ZNF469: variants seen among roughly 807,000 people sequenced by gnomAD.
ZNF469 encodes zinc finger protein 469.
Under a neutral mutation model 1.0 loss-of-function variants are expected in ZNF469, and 1 was observed. The observed-to-expected ratio is 1.00, with a 90% CI of 0.35 to 4.73. The LOEUF (loss-of-function observed/expected upper bound fraction) is 4.73, where lower values mean the gene tolerates loss of function less well. Among genes scored for constraint, ZNF469 ranks in the 30% most tolerant of loss-of-function variants. The probability of loss-of-function intolerance (pLI) is 0.16; values close to 1 mark genes in which losing one functional copy is unlikely to be tolerated. For missense variants in ZNF469, 6,100 were observed against 5,356.3 expected, an observed-to-expected ratio of 1.14 and a Z score of -4.33; for synonymous variants, 2,703 against 2,363.4, an observed-to-expected ratio of 1.14 and a Z score of -4.17.
intron 1 of ZNF469, among the ~76,000 whole-genome samples, chr16:88,420,050 G>A (rs964987700): frequency 7.9e-5 from 12 of 152,226 alleles, no homozygotes; most frequent in Admixed American, 7.2e-4. Context: ...CCAGTGCCAT[G>A]TCTGGAAAGC....
chr16:88,293,409 G>GTGGA, the ZNF469 span, among the ~76,000 whole-genome samples: 45 of 152,034 alleles, frequency 3.0e-4, no homozygotes, highest in African/African-American at 7.7e-4. Context: ...AATTGACTGG[G>GTGGA]TGGATGGATG....
Position 88,433,278 on chromosome 16 carries a change from C to G in ZNF469, c.5808C>G (p.Asn1936Lys), listed in dbSNP as rs949615807. 2.9e-5 allele frequency: 45 copies of G among 1,550,358 alleles called. No homozygotes were observed. Among genetic ancestry groups the G allele is most frequent in the Non-Finnish European group, 3.9e-5 (45 of 1,146,968 alleles). ...CTGCCCAGAGCCCTCCACGAGTGAA[C>G]CCCTCAGGTCTGGAAGGGGGCACTG... Reference protein sequence around the residue: ...TPAAQSPPRVNPSGLEGGTVE... With the variant: ...TPAAQSPPRVKPSGLEGGTVE... Residue 1936 changes from asparagine (N) to lysine (K), a missense_variant, in exon 3 of 3, where the codon AAC becomes AAG. Transcript: ENST00000565624.
the ZNF469 span, among the ~76,000 whole-genome samples, chr16:88,310,630 T>A: frequency 6.6e-6 from 1 of 151,942 alleles, no homozygotes; most frequent in South Asian, 2.1e-4. Context: ...TTGCCCAGGC[T>A]GGAGTGCAGC....
At chr16:88,274,209 A>T in the ZNF469 span, among the ~76,000 whole-genome samples, 2 of 152,176 alleles carry the variant, frequency 1.3e-5, no homozygotes, top group African/African-American at 4.8e-5. Context: ...AAAGACAAAA[A>T]CTGTCTAATA....
the ZNF469 span, among the ~76,000 whole-genome samples, chr16:88,187,161 C>A: frequency 6.6e-6 from 1 of 152,042 alleles, no homozygotes; most frequent in Non-Finnish European, 1.5e-5. Flanking sequence ...TCCAGCTCAC[C>A]TGGTGGGGGG....
At chr16:88,416,850 G>T (rs1030221853) in intron 1 of ZNF469, among the ~76,000 whole-genome samples, 1 of 152,190 alleles carries the variant, frequency 6.6e-6, no homozygotes, top group African/African-American at 2.4e-5. Flanking sequence ...CTCCCCGGGA[G>T]GGGTACCCAG....
chr16:88,290,550 C>T, the ZNF469 span, among the ~76,000 whole-genome samples: 2 of 152,180 alleles, frequency 1.3e-5, no homozygotes, highest in Non-Finnish European at 2.9e-5. Context: ...CTATCTGAGG[C>T]TCTATTCCTT....
the ZNF469 span, among the ~76,000 whole-genome samples, chr16:88,132,945 G>C: frequency 2.0e-5 from 3 of 152,222 alleles, no homozygotes; most frequent in Non-Finnish European, 4.4e-5. Flanking sequence ...ACAGGTGAAG[G>C]GCTCACAGAG....
chr16:88,368,869 A>G, the ZNF469 span, among the ~76,000 whole-genome samples: 1 of 152,180 alleles, frequency 6.6e-6, no homozygotes, highest in Admixed American at 6.5e-5. Context: ...ACTTGAGGTC[A>G]GGAGTTCGAG....
At chr16:88,211,035 C>G in the ZNF469 span, among the ~76,000 whole-genome samples, 2 of 152,270 alleles carry the variant, frequency 1.3e-5, no homozygotes, top group African/African-American at 2.4e-5. Context: ...TGGCCAGGAA[C>G]AGGAGATGCC....
chr16:88,243,659 G>T, the ZNF469 span, among the ~76,000 whole-genome samples: 1 of 151,594 alleles, frequency 6.6e-6, no homozygotes, highest in Non-Finnish European at 1.5e-5. Context: ...GGATGGGTGG[G>T]TGGATGGGTA....
intron 1 of ZNF469, among the ~76,000 whole-genome samples, chr16:88,403,576 G>T (rs982202948): frequency 1.3e-5 from 2 of 152,214 alleles, no homozygotes; most frequent in African/African-American, 4.8e-5. Flanking sequence ...GGCCAGGGAG[G>T]GTGGGACCAG....
the ZNF469 span, among the ~76,000 whole-genome samples, chr16:88,107,795 G>A: frequency 6.6e-6 from 1 of 152,248 alleles, no homozygotes; most frequent in African/African-American, 2.4e-5. Context: ...TGCAGAAGCA[G>A]GAAGGACCCT....
rs768036751 is a variant in ZNF469, at chr16:88,434,600, C to T, written c.7130C>T (p.Pro2377Leu). 5.3e-5 allele frequency: 82 copies of T among 1,550,180 alleles called. No homozygotes were observed. In the East Asian group the frequency reaches 1.6e-3, roughly 30 times the overall value. The change falls in exon 3 of 3, where the codon CCG becomes CTG. Residue 2377 changes from proline to leucine, a missense_variant. Physicochemically the swap from Pro to Leu is moderately conservative, Grantham distance 98. Transcript: ENST00000565624. ...GAGATGGGGACCAGCAGCAAGGAGC[C>T]GGAGGACCCAGGGACCCCTGAGACC... The part of the protein sequence containing the change: ...EGEMGTSSKE[P>L]EDPGTPETGR...
intron 1 of ZNF469, among the ~76,000 whole-genome samples, chr16:88,423,860 T>A (rs899456005): frequency 6.6e-6 from 1 of 152,244 alleles, no homozygotes; most frequent in Non-Finnish European, 1.5e-5. Context: ...GGGCCCAATC[T>A]TGAAGTCCAG....
At chr16:88,239,988 C>A in the ZNF469 span, among the ~76,000 whole-genome samples, 1 of 150,140 alleles carries the variant, frequency 6.7e-6, no homozygotes. Context: ...GGCAGACCTG[C>A]CCAGGCCCCA....
chr16:88,235,407 C>T, the ZNF469 span, among the ~76,000 whole-genome samples: 2 of 152,234 alleles, frequency 1.3e-5, no homozygotes, highest in Middle Eastern at 3.2e-3. Flanking sequence ...GAGCGCGGAA[C>T]TGGGAGTGCC....
At chr16:88,268,221 C>T in the ZNF469 span, among the ~76,000 whole-genome samples, 4 of 152,068 alleles carry the variant, frequency 2.6e-5, no homozygotes, top group South Asian at 6.3e-4. Context: ...ATGAGCCCTG[C>T]GTTCCCATGC....
the ZNF469 span, among the ~76,000 whole-genome samples, chr16:88,161,024 A>T: frequency 6.6e-6 from 1 of 152,010 alleles, no homozygotes; most frequent in East Asian, 1.9e-4. Context: ...TATAAAATTT[A>T]GTGGCAGGTA....
Sources: gnomAD v4.1 joint callset for allele counts (sites outside exome capture counted in the v4.1 genomes callset) on GRCh38, gnomAD v4.1.1 for gene constraint, MANE v1.5 for transcripts, NCBI Gene and HGNC (gene_info 2026-07-23, HGNC 2026-07-21) for gene names.